Variants in SP3 observed in about 807,000 individuals in gnomAD.
SP3 encodes the protein Sp3 transcription factor.
Under a neutral mutation model 70.3 loss-of-function variants are expected in SP3, and 10 were observed. That is an observed-to-expected ratio of 0.14 (90% confidence interval 0.09 to 0.24). The LOEUF (loss-of-function observed/expected upper bound fraction) is 0.24. Ranked by LOEUF, SP3 falls within the 10% of genes least tolerant of loss-of-function variation. The probability of loss-of-function intolerance (pLI) is 1.00; values close to 1 mark genes in which losing one functional copy is unlikely to be tolerated. For missense variants in SP3, 825 were observed against 914.6 expected (o/e 0.90, Z 1.26); for synonymous variants, 402 against 333.5 (o/e 1.21, Z -2.24).
At chr2:173,924,803 CA>C (rs1346055936) in intron 4 of SP3, among the ~76,000 whole-genome samples, 1 of 152,156 alleles carries the variant, frequency 6.6e-6, no homozygotes, top group African/African-American at 2.4e-5. Flanking sequence ...TAAATATATG[CA>C]ATTTTAATTA....
intron 4 of SP3, among the ~76,000 whole-genome samples, chr2:173,928,362 T>G (rs1689976913): frequency 6.6e-6 from 1 of 152,166 alleles, no homozygotes; most frequent in Non-Finnish European, 1.5e-5. Flanking sequence ...ACTGGAGTTC[T>G]GCCTAAGATG....
intron 3 of SP3, among the ~76,000 whole-genome samples, chr2:173,959,061 GAA>G (rs1237395415): frequency 2.0e-5 from 3 of 152,078 alleles, no homozygotes; most frequent in Non-Finnish European, 2.9e-5. Flanking sequence ...TTTACTGAAT[GAA>G]AAGTTATTTT....
chr2:173,935,539 A>G (rs1245168765), intron 4 of SP3, among the ~76,000 whole-genome samples: 1 of 152,186 alleles, frequency 6.6e-6, no homozygotes, highest in African/African-American at 2.4e-5. Context: ...TATTATCCTA[A>G]AAGAGTATCT....
In SP3 at chr2:173,963,876, T is replaced by A. The variant is rs757730900; in HGVS notation, c.164A>T (p.Gln55Leu). Residue 55 changes from glutamine to leucine, a missense_variant, in exon 3 of 7, where the codon CAG becomes CTG. Around this residue, in one of 4 missense-constraint regions of SP3, gnomAD observed 678 missense variants for 651.6 expected, o/e 1.04. Coordinates refer to ENST00000310015, the MANE Select transcript of SP3 (RefSeq NM_003111.5). ...VAAAAAAQDTQPSPLALLAAT... is the reference protein window; with the variant it reads ...VAAAAAAQDTLPSPLALLAAT... ...GGCCAGCAGAGCGAGCGGTGACGGC[T>A]GAGTGTCCTACCCCCAATGGGCGGG... 1.3e-6 allele frequency: 2 copies of A among 1,506,674 alleles called. No homozygotes were observed. Among genetic ancestry groups the A allele is most frequent in the African/African-American group, 1.5e-5 (1 of 68,754 alleles). 93.3% of individuals were successfully genotyped at this position (1,506,674 alleles called of 1,614,324 possible).
chr2:173,918,468 T>C (rs1689666215), intron 5 of SP3, 125 bp downstream of exon 5: 1 of 986,148 alleles, frequency 1.0e-6, no homozygotes, highest in Non-Finnish European at 1.5e-6. Flanking sequence ...GCCACACGCA[T>C]ACACACACAC....
At position 173,965,164 on chromosome 2, in the gene SP3, C is replaced by G; in HGVS notation, c.7+1G>C. The G allele has an allele frequency of 6.5e-7, 1 of 1,547,678 alleles. No individual in the cohort carries two copies. The highest frequency in any genetic ancestry group is 8.7e-7 in the Non-Finnish European group (1 of 1,145,918). ...AGGGTTGCTCTCTCGGCTTTACGTA[C>G]CGGTCATAGTGTGTTTAGGGCACCT... On this transcript the variant is annotated splice_donor_variant, in intron 1 of 6. Coordinates refer to ENST00000310015, the MANE Select transcript of SP3 (RefSeq NM_003111.5). LOFTEE classifies it high-confidence loss of function.
At chr2:173,954,363 TCCAACA>T (rs1690812048) in intron 4 of SP3, among the ~76,000 whole-genome samples, 1 of 152,156 alleles carries the variant, frequency 6.6e-6, no homozygotes, top group Admixed American at 6.5e-5. Flanking sequence ...AGTTACCTAG[TCCAACA>T]CCTCCATTTT....
Position 173,964,518 on chromosome 2 carries a change from C to A in SP3, c.43G>T (p.Ala15Ser), listed in dbSNP as rs1200251736. Residue 15 changes from alanine to serine, a missense_variant, in exon 2 of 7, where the codon GCC becomes TCC. By Grantham distance (99) the Ala-to-Ser change is moderately conservative (BLOSUM62 1). This residue lies in a region of SP3 where 678 missense variants were observed against 651.6 expected (regional missense o/e 1.04). Transcript: ENST00000310015. The part of the protein sequence containing the change: ...EKPVKQEEMA[A>S]LDVDSGGGGG... ...CCGCCGCCGCTATCCACGTCCAAGG[C>A]AGCCATTTCCTCTTGTTTCACGGGC... is the stretch of plus-strand genomic sequence containing the variant. 1 of 701,432 alleles carries A rather than the reference C, an allele frequency of 1.4e-6. No individual in the cohort carries two copies. Among genetic ancestry groups the A allele is most frequent in the Non-Finnish European group, 2.6e-6 (1 of 378,192 alleles). The allele number at this position is 701,432 out of a possible 1,614,324, so 43.5% of individuals were successfully genotyped here. A position where few individuals can be genotyped will look rare whatever the true frequency, so the allele number is the denominator to read the frequency against.
intron 4 of SP3, among the ~76,000 whole-genome samples, chr2:173,929,849 G>A (rs762742845): frequency 8.5e-5 from 13 of 152,172 alleles, no homozygotes; most frequent in Non-Finnish European, 1.6e-4. Context: ...TATGTATCAA[G>A]CAGTTATACT....
intron 4 of SP3, among the ~76,000 whole-genome samples, chr2:173,941,030 T>C (rs988045402): frequency 2.0e-5 from 3 of 150,748 alleles, no homozygotes; most frequent in Admixed American, 6.7e-5. Flanking sequence ...CTTTCTCTCC[T>C]CTATCATTAA....
At chr2:173,946,182 G>A (rs1428397199) in intron 4 of SP3, among the ~76,000 whole-genome samples, 2 of 151,992 alleles carry the variant, frequency 1.3e-5, no homozygotes, top group Non-Finnish European at 2.9e-5. Context: ...TTAAATGGTA[G>A]AAATAAAGGA....
At chr2:173,942,196 T>TG (rs1377760564) in intron 4 of SP3, among the ~76,000 whole-genome samples, 1 of 152,188 alleles carries the variant, frequency 6.6e-6, no homozygotes, top group Non-Finnish European at 1.5e-5. Flanking sequence ...AAACTAGAAT[T>TG]GGGAGGAGGA....
At chr2:173,942,249 T>C (rs943647653) in intron 4 of SP3, among the ~76,000 whole-genome samples, 1 of 152,168 alleles carries the variant, frequency 6.6e-6, no homozygotes, top group Admixed American at 6.6e-5. Context: ...CTCTGTGAGA[T>C]CCTACAATGC....
intron 1 of SP3, 126 bp from the exon 2 acceptor site, chr2:173,964,679 G>GC (rs1262150957): frequency 3.4e-5 from 8 of 232,128 alleles, no homozygotes; most frequent in East Asian, 1.0e-4. Flanking sequence ...TCCCCCACCC[G>GC]CCCCCCGGCG....
intron 4 of SP3, among the ~76,000 whole-genome samples, chr2:173,940,024 T>A (rs1690321023): frequency 6.6e-6 from 1 of 152,002 alleles, no homozygotes; most frequent in African/African-American, 2.4e-5. Context: ...TGGGCACACA[T>A]TACTGTGACC....
intron 4 of SP3, among the ~76,000 whole-genome samples, chr2:173,942,353 G>A (rs186102817): frequency 6.6e-6 from 1 of 152,250 alleles, no homozygotes; most frequent in Non-Finnish European, 1.5e-5. Context: ...ATCACTTGAG[G>A]TCAGAAGTTC....
chr2:173,961,600 G>A (rs1254445489), intron 3 of SP3, among the ~76,000 whole-genome samples: 1 of 152,128 alleles, frequency 6.6e-6, no homozygotes, highest in Non-Finnish European at 1.5e-5. Flanking sequence ...GGGGAAGCTG[G>A]ATGAAGGGTA....
Position 173,965,042 on chromosome 2 carries a change from C to T in SP3, c.7+123G>A, listed in dbSNP as rs914675919. 3.8e-6 allele frequency: 5 copies of T among 1,323,560 alleles called. No individual in the cohort carries two copies. The Admixed American group carries it at 6.5e-5, about 17-fold the overall frequency. The allele number at this position is 1,323,560 out of a possible 1,614,324, so 82.0% of individuals were successfully genotyped here. On this transcript the variant is annotated intron_variant, in intron 1 of 6. Transcript: ENST00000310015. The stretch of plus-strand genomic sequence containing the variant: ...GGCGCAGGGGAGTGCAGCTTTCTGC[C>T]TCTCACAGACACTCGGTCGCACACA...
chr2:173,924,614 T>G lies in SP3; in HGVS notation c.1640-5829A>C, dbSNP rs1689856717. On this transcript the variant is annotated intron_variant, in intron 4 of 6. Coordinates refer to ENST00000310015, the MANE Select transcript of SP3 (RefSeq NM_003111.5). ...TTAATATTATTTTCCCCCTCCTTTCTAGATGAGAAAACAAAGAGGTTATGT... is the reference window on the plus strand; with the variant it reads ...TTAATATTATTTTCCCCCTCCTTTCGAGATGAGAAAACAAAGAGGTTATGT... Among the ~76,000 whole-genome samples the G allele has an allele frequency of 2.0e-5, 3 of 152,294 alleles. No individual in the cohort carries two copies. In the South Asian group the frequency reaches 6.2e-4, roughly 32 times the overall value.
Sources: gnomAD v4.1 joint callset for allele counts (sites outside exome capture counted in the v4.1 genomes callset) on GRCh38, gnomAD v4.1.1 for gene constraint, gnomAD v4.1.1 regional missense constraint, MANE v1.5 for transcripts, NCBI Gene and HGNC (gene_info 2026-07-23, HGNC 2026-07-21) for gene names.